Variants in AGPAT4 observed in about 807,000 individuals in gnomAD.
The protein encoded by AGPAT4 is 1-acylglycerol-3-phosphate O-acyltransferase 4, also known as 1-acyl-sn-glycerol-3-phosphate acyltransferase delta.
Under a neutral mutation model 48.0 loss-of-function variants are expected in AGPAT4, and 15 were observed. That is an observed-to-expected ratio of 0.31 (90% CI 0.21 to 0.48). The LOEUF (loss-of-function observed/expected upper bound fraction) is 0.48. AGPAT4 is among the 20% of genes least tolerant of loss of function. The probability of loss-of-function intolerance (pLI) is 0.99; values close to 1 mark genes in which losing one functional copy is unlikely to be tolerated. For missense variants in AGPAT4, 314 were observed against 482.5 expected (o/e 0.65, Z 3.27); for synonymous variants, 178 against 198.7 (o/e 0.90, Z 0.88).
At chr6:161,179,018 A>G (rs558253072) in intron 2 of AGPAT4, among the ~76,000 whole-genome samples, 1 of 152,304 alleles carries the variant, frequency 6.6e-6, no homozygotes, top group East Asian at 1.9e-4. Flanking sequence ...GCAGTAGGTG[A>G]CCTCTGCAAA....
At position 161,166,641 on chromosome 6, in the gene AGPAT4, G is replaced by A. The variant is rs891338904; in HGVS notation, c.179-224C>T. Among the ~76,000 whole-genome samples, 1 of 152,182 alleles carries A rather than the reference G, an allele frequency of 6.6e-6. No individual in the cohort carries two copies. The highest frequency in any genetic ancestry group is 1.5e-5 in the Non-Finnish European group (1 of 68,032). On this transcript the variant is annotated intron_variant, in intron 2 of 8. Transcript: ENST00000320285. The surrounding 1 kb of genome is among the most constrained non-coding windows in gnomAD (Gnocchi z 6.7). Reference sequence around the variant, plus strand: ...TCCAGGGAAGAAGAGAAGGATACTTGGAGAAGGTAAATGACTTACTCCTTG... The same window carrying A: ...TCCAGGGAAGAAGAGAAGGATACTTAGAGAAGGTAAATGACTTACTCCTTG...
Position 161,144,171 on chromosome 6 carries a change from T to C in AGPAT4, c.843+2353A>G, listed in dbSNP as rs1407003888. The C allele has an allele frequency of 1.9e-6, 1 of 533,248 alleles. No homozygotes were observed. Among genetic ancestry groups the C allele is most frequent in the Middle Eastern group, 3.2e-4 (1 of 3,148 alleles). 33.0% of individuals were successfully genotyped at this position (533,248 alleles called of 1,614,324 possible). ...TGGAGAAACCATGCACCACTTCCAC[T>C]TGCTGCTCAGCGATCTTCTCGGAAG... On this transcript the variant is annotated intron_variant, in intron 7 of 8. Coordinates refer to ENST00000320285, the MANE Select transcript of AGPAT4 (RefSeq NM_020133.3). This position sits in a 1 kb window ranked among gnomAD's most constrained non-coding sequence, Gnocchi z 6.6.
At chr6:161,250,778 G>T (rs1782784994) in intron 1 of AGPAT4, among the ~76,000 whole-genome samples, 1 of 152,022 alleles carries the variant, frequency 6.6e-6, no homozygotes. Context: ...CTACATGTTT[G>T]TCAGCAATAA....
rs3043142 is a variant in AGPAT4, at chr6:161,272,705, A to AACACAC, written c.-90+1227_-90+1232dup. ...TCCCTGCCCGCCTCCCATTTCCCTAAACACACACACACACACACACACACA... is the reference window on the plus strand; with the variant it reads ...TCCCTGCCCGCCTCCCATTTCCCTAAACACACACACACACACACACACACACACACA... On this transcript the variant is annotated intron_variant, in intron 1 of 8. Coordinates refer to ENST00000320285, the MANE Select transcript of AGPAT4 (RefSeq NM_020133.3). This position sits in a 1 kb window ranked among gnomAD's most constrained non-coding sequence, Gnocchi z 4.2. Among the ~76,000 whole-genome samples the AACACAC allele has an allele frequency of 0.03, 4,428 of 147,142 alleles. 315 individuals are homozygous for AACACAC. Among genetic ancestry groups the AACACAC allele is most frequent in the Admixed American group, 0.18 (2,651 of 14,806 alleles).
Position 161,130,165 on chromosome 6 carries a change from T to A in AGPAT4, c.*6375A>T, listed in dbSNP as rs141587917. 6.6e-6 allele frequency: 1 copy of A among 152,174 alleles called. No homozygotes were observed. The highest frequency in any genetic ancestry group is 1.5e-5 in the Non-Finnish European group (1 of 68,066). 9.4% of individuals were successfully genotyped at this position (152,174 alleles called of 1,614,324 possible). ...CCATATATCAGTTCTCTGTTTCACATTAAAAAGTTACCATTCATTCGGTCC... is the reference window on the plus strand; with the variant it reads ...CCATATATCAGTTCTCTGTTTCACAATAAAAAGTTACCATTCATTCGGTCC... On this transcript the variant is annotated 3_prime_UTR_variant, in exon 9 of 9. Transcript: ENST00000320285.
Position 161,147,576 on chromosome 6 carries a change from G to T in AGPAT4, c.768-977C>A, listed in dbSNP as rs922240539. On this transcript the variant is annotated intron_variant, in intron 6 of 8. Transcript: ENST00000320285. The surrounding 1 kb of genome is among the most constrained non-coding windows in gnomAD (Gnocchi z 4.8). ...TCCATCTTATAACAGATTACAATGA[G>T]CCACTTCCTTTTCAAGGCAGTATTG... Among the ~76,000 whole-genome samples the T allele has an allele frequency of 1.6e-4, 24 of 152,154 alleles. No homozygotes were observed. Among genetic ancestry groups the T allele is most frequent in the African/African-American group, 5.8e-4 (24 of 41,418 alleles).
intron 2 of AGPAT4, among the ~76,000 whole-genome samples, chr6:161,185,283 C>CT (rs35820706): frequency 0.024 from 2,626 of 109,234 alleles, 67 homozygotes; most frequent in African/African-American, 0.061. Context: ...TTTAAGATGT[C>CT]TTTTTTTTTT....
rs1168062810 is a variant in AGPAT4, at chr6:161,161,436, G to C, written c.348+4812C>G. 2.2e-6 allele frequency: 1 copy of C among 456,608 alleles called. No individual in the cohort carries two copies. The highest frequency in any genetic ancestry group is 2.0e-5 in the African/African-American group (1 of 50,062). 28.3% of individuals were successfully genotyped at this position (456,608 alleles called of 1,614,324 possible). A position where few individuals can be genotyped will look rare whatever the true frequency, so the allele number is the denominator to read the frequency against. On this transcript the variant is annotated intron_variant, in intron 3 of 8. Transcript: ENST00000320285. This position sits in a 1 kb window ranked among gnomAD's most constrained non-coding sequence, Gnocchi z 4.6. ...GCACACTTGCCAAACCCAGTGAATG[G>C]TAAGAGGCAGAGGGTGGCGTCCCAG... is the stretch of plus-strand genomic sequence containing the variant.
chr6:161,241,625 A>G (rs1487339690), intron 1 of AGPAT4, among the ~76,000 whole-genome samples: 3 of 152,278 alleles, frequency 2.0e-5, no homozygotes, highest in East Asian at 3.8e-4. Context: ...AAGCAAACAC[A>G]GATGGAAAAC....
rs914736710 is a variant in AGPAT4, at chr6:161,238,173, C to A, written c.-89-5871G>T. ...AGAGTCAGGCAGTCTGGCTACAAAT[C>A]CAGGCCTGGCCACTTTACAGCTATG... On this transcript the variant is annotated intron_variant, in intron 1 of 8. Transcript: ENST00000320285. The surrounding 1 kb of genome is among the most constrained non-coding windows in gnomAD (Gnocchi z 5.2). 6.6e-6 allele frequency among the ~76,000 whole-genome samples: 1 copy of A among 152,120 alleles called. No homozygotes were observed. Among genetic ancestry groups the A allele is most frequent in the African/African-American group, 2.4e-5 (1 of 41,410 alleles).
At chr6:161,174,613 C>T (rs1249089639) in intron 2 of AGPAT4, among the ~76,000 whole-genome samples, 3 of 152,136 alleles carry the variant, frequency 2.0e-5, no homozygotes, top group Non-Finnish European at 2.9e-5. Context: ...TTGACTTCCT[C>T]TTTTCCTAAC....
At position 161,259,791 on chromosome 6, in the gene AGPAT4, G is replaced by C. The variant is rs1025975536; in HGVS notation, c.-90+14147C>G. 6.6e-6 allele frequency among the ~76,000 whole-genome samples: 1 copy of C among 152,164 alleles called. No individual in the cohort carries two copies. Among genetic ancestry groups the C allele is most frequent in the East Asian group, 1.9e-4 (1 of 5,136 alleles). ...CCAAGGAAGAGAGTTAAGAACTGCC[G>C]AAAGAAAATGAAAGTCTTCCGGACA... is the stretch of plus-strand genomic sequence containing the variant. On this transcript the variant is annotated intron_variant, in intron 1 of 8. Transcript: ENST00000320285. The surrounding 1 kb of genome is among the most constrained non-coding windows in gnomAD (Gnocchi z 4.9).
Position 161,137,498 on chromosome 6 carries a change from G to A in AGPAT4, c.1043-864C>T, listed in dbSNP as rs1046397093. 6.6e-6 allele frequency among the ~76,000 whole-genome samples: 1 copy of A among 152,250 alleles called. No individual in the cohort carries two copies. The highest frequency in any genetic ancestry group is 1.5e-5 in the Non-Finnish European group (1 of 68,044). ...GCCTGGGATGGGCGAATCCAGCCCA[G>A]CCAGCAGGAGGCACGCATCTCCCAT... On this transcript the variant is annotated intron_variant, in intron 8 of 8. Transcript: ENST00000320285. The surrounding 1 kb of genome is among the most constrained non-coding windows in gnomAD (Gnocchi z 6.1).
At chr6:161,172,589 G>T (rs1780295829) in intron 2 of AGPAT4, among the ~76,000 whole-genome samples, 1 of 152,138 alleles carries the variant, frequency 6.6e-6, no homozygotes, top group Admixed American at 6.5e-5. Context: ...TGTGGTCAGG[G>T]CTTCTTCAAT....
In AGPAT4 at chr6:161,266,679, C is replaced by T. The variant is rs192885346; in HGVS notation, c.-90+7259G>A. 6.6e-6 allele frequency among the ~76,000 whole-genome samples: 1 copy of T among 152,118 alleles called. No individual in the cohort carries two copies. Among genetic ancestry groups the T allele is most frequent in the African/African-American group, 2.4e-5 (1 of 41,414 alleles). On this transcript the variant is annotated intron_variant, in intron 1 of 8. Coordinates refer to ENST00000320285, the MANE Select transcript of AGPAT4 (RefSeq NM_020133.3). The surrounding 1 kb of genome is among the most constrained non-coding windows in gnomAD (Gnocchi z 6.2). The stretch of plus-strand genomic sequence containing the variant: ...TGCCCTTCCCCCAGCAGAAAAGAGA[C>T]AAGAAAAGAAATGAGCCTGATGACT...
rs1207857364 is a variant in AGPAT4 at position 161,196,441 on chromosome 6, A to T, written c.179-30024T>A. ...GGACTGTGGTCCTATCCAGGGTCTG[A>T]AATAGGTCTGAAGCAACAGAGTTAG... On this transcript the variant is annotated intron_variant, in intron 2 of 8. Transcript: ENST00000320285. The surrounding 1 kb of genome is among the most constrained non-coding windows in gnomAD (Gnocchi z 4.3). 6.6e-6 allele frequency among the ~76,000 whole-genome samples: 1 copy of T among 152,124 alleles called. No individual in the cohort carries two copies. Among genetic ancestry groups the T allele is most frequent in the East Asian group, 1.9e-4 (1 of 5,178 alleles).
rs1025856077 is a variant in AGPAT4 at position 161,236,538 on chromosome 6, A to T, written c.-89-4236T>A. Among the ~76,000 whole-genome samples the T allele has an allele frequency of 2.0e-5, 3 of 152,136 alleles. No individual in the cohort carries two copies. The highest frequency in any genetic ancestry group is 4.8e-5 in the African/African-American group (2 of 41,432). On this transcript the variant is annotated intron_variant, in intron 1 of 8. Coordinates refer to ENST00000320285, the MANE Select transcript of AGPAT4 (RefSeq NM_020133.3). The surrounding 1 kb of genome is among the most constrained non-coding windows in gnomAD (Gnocchi z 5.0). ...TCTTTCAACAGGTTCACACAAAGAA[A>T]TCTGGCCACAGAGGCTGGCACGGTT...
rs1781099333 is a variant in AGPAT4, at chr6:161,197,386, C to A, written c.179-30969G>T. Among the ~76,000 whole-genome samples the A allele has an allele frequency of 6.6e-6, 1 of 152,142 alleles. No homozygotes were observed. Among genetic ancestry groups the A allele is most frequent in the African/African-American group, 2.4e-5 (1 of 41,436 alleles). On this transcript the variant is annotated intron_variant, in intron 2 of 8. Coordinates refer to ENST00000320285, the MANE Select transcript of AGPAT4 (RefSeq NM_020133.3). The surrounding 1 kb of genome is among the most constrained non-coding windows in gnomAD (Gnocchi z 5.7). ...ACACCTGCTTATGTTTATTTCTTAA[C>A]ATGTTATTCCATGTGGTCATGGTAA...
rs1474834303 is a variant in AGPAT4, at chr6:161,164,716, C to A, written c.348+1532G>T. On this transcript the variant is annotated intron_variant, in intron 3 of 8. Transcript: ENST00000320285. The surrounding 1 kb of genome is among the most constrained non-coding windows in gnomAD (Gnocchi z 7.4). ...GAAATTACGGAAATAAGGTGAACAG[C>A]ACACGGAGTGAGCTCGTGGGTGTAA... Among the ~76,000 whole-genome samples the A allele has an allele frequency of 2.6e-5, 4 of 152,204 alleles. No homozygotes were observed. Among genetic ancestry groups the A allele is most frequent in the African/African-American group, 9.7e-5 (4 of 41,444 alleles).
Sources: gnomAD v4.1 joint callset for allele counts (sites outside exome capture counted in the v4.1 genomes callset) on GRCh38, gnomAD v4.1.1 for gene constraint, Gnocchi (gnomAD v3.1) non-coding constraint, MANE v1.5 for transcripts, NCBI Gene and HGNC (gene_info 2026-07-23, HGNC 2026-07-21) for gene names.